PTDSS1: variants seen among roughly 807,000 people sequenced by gnomAD.
The protein encoded by PTDSS1 is PSS-1.
Under a neutral mutation model 70.5 loss-of-function variants are expected in PTDSS1, and 45 were observed. The ratio of observed to expected loss-of-function variants is 0.64; its 90% CI spans 0.50 to 0.82. The LOEUF (loss-of-function observed/expected upper bound fraction) is 0.82. Ranked by LOEUF, PTDSS1 falls within the 40% of genes least tolerant of loss-of-function variation. The pLI, the probability that PTDSS1 is intolerant of heterozygous loss-of-function variation, is 0.00. For missense variants in PTDSS1, 417 were observed against 586.1 expected, an observed-to-expected ratio of 0.71 and a Z score of 2.98; for synonymous variants, 188 against 203.8, an observed-to-expected ratio of 0.92 and a Z score of 0.66.
intron 9 of PTDSS1, among the ~76,000 whole-genome samples, chr8:96,319,005 T>G (rs1320813845): frequency 7.0e-6 from 1 of 142,842 alleles, no homozygotes; most frequent in Non-Finnish European, 1.5e-5. Context: ...CCTCCACTTC[T>G]CAGGCTCAAG....
At chr8:96,302,985 C>T (rs1010410549) in intron 6 of PTDSS1, among the ~76,000 whole-genome samples, 4 of 152,196 alleles carry the variant, frequency 2.6e-5, no homozygotes, top group South Asian at 2.1e-4. Flanking sequence ...GTTCCCACGA[C>T]ATAAACCCAA....
intron 9 of PTDSS1, among the ~76,000 whole-genome samples, chr8:96,309,937 C>T (rs552929449): frequency 5.9e-4 from 89 of 151,918 alleles, no homozygotes; most frequent in African/African-American, 9.6e-4. Flanking sequence ...CCGAGGTGGG[C>T]GGATCACTTG....
chr8:96,279,232 C>T (rs934602408), intron 2 of PTDSS1, among the ~76,000 whole-genome samples: 3 of 151,562 alleles, frequency 2.0e-5, no homozygotes, highest in Admixed American at 6.6e-5. Flanking sequence ...CTGCCTGCCT[C>T]GGCCTCCCAA....
chr8:96,271,731 T>C (rs932775556), intron 1 of PTDSS1, among the ~76,000 whole-genome samples: 1 of 152,258 alleles, frequency 6.6e-6, no homozygotes, highest in African/African-American at 2.4e-5. Context: ...AAGTTTTACC[T>C]TTATCAATAA....
intron 10 of PTDSS1, among the ~76,000 whole-genome samples, chr8:96,325,252 A>G (rs1811422718): frequency 6.6e-6 from 1 of 152,222 alleles, no homozygotes; most frequent in Admixed American, 6.5e-5. Flanking sequence ...AAACCCAGAC[A>G]TTCTCTCTAG....
intron 2 of PTDSS1, among the ~76,000 whole-genome samples, chr8:96,280,254 G>A (rs140336171): frequency 2.6e-5 from 4 of 152,290 alleles, no homozygotes; most frequent in South Asian, 2.1e-4. Context: ...AGGCACGGTG[G>A]CTGACACCTG....
At chr8:96,310,222 T>C (rs1586202412) in intron 9 of PTDSS1, among the ~76,000 whole-genome samples, 1 of 149,050 alleles carries the variant, frequency 6.7e-6, no homozygotes, top group Non-Finnish European at 1.5e-5. Context: ...TGGAGGGCAG[T>C]GGCATGATCT....
chr8:96,276,749 G>C (rs1810647962), intron 2 of PTDSS1, among the ~76,000 whole-genome samples: 1 of 152,096 alleles, frequency 6.6e-6, no homozygotes, highest in African/African-American at 2.4e-5. Context: ...TCTCTGGCTT[G>C]TCTTTTCCCC....
At chr8:96,283,026 G>A (rs1810763473) in intron 2 of PTDSS1, among the ~76,000 whole-genome samples, 1 of 152,232 alleles carries the variant, frequency 6.6e-6, no homozygotes, top group Non-Finnish European at 1.5e-5. Flanking sequence ...GTCTGCCCCA[G>A]TGTCACTTCT....
intron 2 of PTDSS1, among the ~76,000 whole-genome samples, chr8:96,274,679 C>T (rs568845832): frequency 6.6e-6 from 1 of 152,250 alleles, no homozygotes; most frequent in African/African-American, 2.4e-5. Flanking sequence ...GAGCCAAGAT[C>T]ACGCCATTGT....
chr8:96,274,469 T>C (rs1159101229), intron 2 of PTDSS1, among the ~76,000 whole-genome samples: 1 of 152,172 alleles, frequency 6.6e-6, no homozygotes, highest in Non-Finnish European at 1.5e-5. Flanking sequence ...CTCATGCCTG[T>C]AATCCCAGCA....
chr8:96,296,217 C>G (rs1810974079), intron 5 of PTDSS1, among the ~76,000 whole-genome samples: 1 of 144,718 alleles, frequency 6.9e-6, no homozygotes, highest in Non-Finnish European at 1.5e-5. Context: ...CAGCTCACTG[C>G]AAGCTCCGCC....
chr8:96,333,093 G>C, intron 12 of PTDSS1, among the ~76,000 whole-genome samples: 1 of 152,228 alleles, frequency 6.6e-6, no homozygotes, highest in Non-Finnish European at 1.5e-5. Flanking sequence ...TTGCAGGGCA[G>C]GATGGGCACC....
At chr8:96,307,449 CAAAAAAAAAAAAAAAA>C (rs56284473) in intron 8 of PTDSS1, among the ~76,000 whole-genome samples, 4 of 50,634 alleles carry the variant, frequency 7.9e-5, no homozygotes, top group African/African-American at 1.7e-4. Flanking sequence ...TCAATATTAC[CAAAAAAAAAAAAAAAA>C]AAAAAAAAAA....
Position 96,299,831 on chromosome 8 carries a change from C to G in PTDSS1, c.738C>G (p.His246Gln), listed in dbSNP as rs1017730495. The change falls in exon 6 of 13, where the codon CAC becomes CAG. Residue 246 changes from histidine (H) to glutamine (Q), a missense_variant. Transcript: ENST00000517309. ...VCRFLEMRTY[H>Q]WASFKDIHTT... Reference sequence around the variant, plus strand: ...GGTTTTTAGAGATGAGGACTTACCACTGGGCAAGCTTCAAGTGAGTTGCCT... The same window carrying G: ...GGTTTTTAGAGATGAGGACTTACCAGTGGGCAAGCTTCAAGTGAGTTGCCT... 3 of 1,610,984 alleles carry G rather than the reference C, an allele frequency of 1.9e-6. No individual in the cohort carries two copies. Among genetic ancestry groups the G allele is most frequent in the African/African-American group, 1.3e-5 (1 of 74,786 alleles).
chr8:96,331,536 C>T (rs926298579), intron 12 of PTDSS1, among the ~76,000 whole-genome samples: 4 of 150,166 alleles, frequency 2.7e-5, no homozygotes, highest in African/African-American at 9.8e-5. Flanking sequence ...CTCAAAACCA[C>T]GGCACTCCAG....
chr8:96,266,264 C>T (rs1810486352), intron 1 of PTDSS1, among the ~76,000 whole-genome samples: 2 of 152,216 alleles, frequency 1.3e-5, no homozygotes, highest in Admixed American at 6.5e-5. Context: ...ACCTAGAAGA[C>T]GTTGCCTTTC....
chr8:96,326,042 G>A (rs9886402), intron 10 of PTDSS1, among the ~76,000 whole-genome samples: 1 of 151,892 alleles, frequency 6.6e-6, no homozygotes, highest in Non-Finnish European at 1.5e-5. Flanking sequence ...AAATCTGCTT[G>A]TGTGTTCAGG....
intron 3 of PTDSS1, among the ~76,000 whole-genome samples, chr8:96,285,309 C>A (rs1409026832): frequency 6.6e-6 from 1 of 152,126 alleles, no homozygotes; most frequent in Non-Finnish European, 1.5e-5. Flanking sequence ...CACTTCCAGG[C>A]CAGTGTGGCC....
Sources: gnomAD v4.1 joint callset for allele counts (sites outside exome capture counted in the v4.1 genomes callset) on GRCh38, gnomAD v4.1.1 for gene constraint, MANE v1.5 for transcripts, NCBI Gene and HGNC (gene_info 2026-07-23, HGNC 2026-07-21) for gene names.